Variants in MKLN1 observed in about 807,000 individuals in gnomAD.
MKLN1 encodes muskelin.
A neutral mutation model predicts 99.0 loss-of-function variants in MKLN1; 18 were observed. The ratio of observed to expected loss-of-function variants is 0.18; its 90% confidence interval spans 0.13 to 0.27. MKLN1 has a LOEUF of 0.27. Among genes scored for constraint, MKLN1 ranks in the 10% least tolerant of loss-of-function variants. The pLI is 1.00. For synonymous variants in MKLN1, 288 were observed against 293.2 expected, an observed-to-expected ratio of 0.98 and a Z score of 0.18; for missense variants, 621 against 875.9, an observed-to-expected ratio of 0.71 and a Z score of 3.67.
chr7:131,397,795 A>T (rs992385251), intron 5 of MKLN1, among the ~76,000 whole-genome samples: 1 of 152,092 alleles, frequency 6.6e-6, no homozygotes, highest in Non-Finnish European at 1.5e-5. Flanking sequence ...TTTTAGTGGG[A>T]TAGTTTTGCA....
chr7:131,388,827 C>T, intron 3 of MKLN1, 57 bp from the exon 4 acceptor site: 1 of 1,110,648 alleles, frequency 9.0e-7, no homozygotes, highest in Non-Finnish European at 1.3e-6. Flanking sequence ...AATTCGTGTT[C>T]TAGTGCATTT....
At chr7:131,116,209 G>C (rs945227093) in intron 1 of MKLN1, among the ~76,000 whole-genome samples, 2 of 151,566 alleles carry the variant, frequency 1.3e-5, no homozygotes, top group African/African-American at 4.9e-5. Flanking sequence ...ATATTCATTG[G>C]GTGTTTGTAG....
chr7:131,266,173 C>CAAAAAAAAAAAAAAAAAAAAAAAT (rs1797804990), intron 3 of MKLN1, among the ~76,000 whole-genome samples: 1 of 86,576 alleles, frequency 1.2e-5, no homozygotes, highest in Non-Finnish European at 2.2e-5. Flanking sequence ...GACTGCATCT[C>CAAAAAAAAAAAAAAAAAAAAAAAT]AAAAAAAAAA....
At chr7:131,189,060 G>A (rs999482262) in intron 2 of MKLN1, among the ~76,000 whole-genome samples, 3 of 152,178 alleles carry the variant, frequency 2.0e-5, no homozygotes, top group African/African-American at 7.2e-5. Flanking sequence ...ATCAGACTCA[G>A]TTTTAATGGG....
At chr7:131,241,966 A>G (rs554133167) in intron 3 of MKLN1, among the ~76,000 whole-genome samples, 1 of 152,270 alleles carries the variant, frequency 6.6e-6, no homozygotes, top group East Asian at 1.9e-4. Context: ...GATTTTTCTT[A>G]CCACATTCAA....
chr7:131,470,362 A>G (rs1796785159), intron 15 of MKLN1, among the ~76,000 whole-genome samples: 1 of 152,220 alleles, frequency 6.6e-6, no homozygotes, highest in African/African-American at 2.4e-5. Context: ...ATCAGTGTTA[A>G]TGATATTCAT....
At chr7:131,287,178 A>G (rs1242052337) in intron 3 of MKLN1, among the ~76,000 whole-genome samples, 1 of 152,222 alleles carries the variant, frequency 6.6e-6, no homozygotes. Context: ...GTGATCAGGT[A>G]TATCCTCCTG....
At chr7:131,441,185 A>G (rs112217365) in intron 10 of MKLN1, among the ~76,000 whole-genome samples, 291 of 152,342 alleles carry the variant, frequency 1.9e-3, no homozygotes, top group Middle Eastern at 6.8e-3. Context: ...GAAGAATTGA[A>G]GATCTCAGCT....
At chr7:131,120,170 C>CAA (rs34545571) in intron 1 of MKLN1, among the ~76,000 whole-genome samples, 1,568 of 76,180 alleles carry the variant, frequency 0.021, 86 homozygotes, top group African/African-American at 0.044. Flanking sequence ...GACTCCATCT[C>CAA]AAAAAAAAAA....
chr7:131,220,484 G>A (rs540183027), intron 3 of MKLN1, among the ~76,000 whole-genome samples: 3 of 152,146 alleles, frequency 2.0e-5, no homozygotes, highest in Non-Finnish European at 4.4e-5. Flanking sequence ...CCTGGTTGGA[G>A]CAGAGAAAGA....
intron 1 of MKLN1, among the ~76,000 whole-genome samples, chr7:131,370,338 C>T (rs767077626): frequency 3.0e-4 from 43 of 144,976 alleles, no homozygotes; most frequent in Non-Finnish European, 5.8e-4. Context: ...TATTCCAGTC[C>T]TTTCTGTTTA....
chr7:131,177,673 T>C (rs372629772), intron 2 of MKLN1, among the ~76,000 whole-genome samples: 40 of 152,328 alleles, frequency 2.6e-4, no homozygotes, highest in African/African-American at 8.7e-4. Context: ...TCTACCACTA[T>C]GGTTATAATT....
chr7:131,335,540 A>T (rs930547790), intron 1 of MKLN1, among the ~76,000 whole-genome samples: 4 of 152,156 alleles, frequency 2.6e-5, no homozygotes, highest in African/African-American at 9.6e-5. Context: ...GTTAATAATA[A>T]TTGGAAAACT....
intron 1 of MKLN1, among the ~76,000 whole-genome samples, chr7:131,118,676 C>T (rs548225794): frequency 1.3e-5 from 2 of 152,174 alleles, no homozygotes; most frequent in African/African-American, 2.4e-5. Context: ...GGGAGGTCTC[C>T]GGAAACTTAC....
chr7:131,318,323 C>T (rs1313864304), intron 3 of MKLN1, among the ~76,000 whole-genome samples: 6 of 152,190 alleles, frequency 3.9e-5, no homozygotes, highest in Admixed American at 6.5e-5. Context: ...TGCACAATTA[C>T]ATGGAAATTG....
chr7:131,228,267 C>G lies in MKLN1; in HGVS notation c.-179+25293C>G, dbSNP rs542903577. ...TAGAGACAGGTTTCTGCCATGTTGC[C>G]TAGGCTGGTCTCAGCAATAGAACAT... On this transcript the variant is annotated intron_variant, in intron 3 of 7. Coordinates refer to the MKLN1 transcript ENST00000416992. Among the ~76,000 whole-genome samples, 124 of 152,262 alleles carry G rather than the reference C, an allele frequency of 8.1e-4. 1 individual carries two copies. The highest frequency in any genetic ancestry group is 2.8e-3 in the African/African-American group (118 of 41,540).
chr7:131,374,939 C>CTT (rs201782235), intron 1 of MKLN1, among the ~76,000 whole-genome samples: 8 of 136,734 alleles, frequency 5.9e-5, no homozygotes, highest in East Asian at 4.2e-4. Flanking sequence ...ACCCTGAAGT[C>CTT]TTTTTTTTTT....
chr7:131,212,689 C>T (rs1402617514), intron 3 of MKLN1, among the ~76,000 whole-genome samples: 1 of 152,022 alleles, frequency 6.6e-6, no homozygotes, highest in Non-Finnish European at 1.5e-5. Flanking sequence ...TTTGGGAGGC[C>T]GAGGAGGGTG....
intron 3 of MKLN1, among the ~76,000 whole-genome samples, chr7:131,257,674 T>G (rs1403181059): frequency 6.6e-6 from 1 of 151,572 alleles, no homozygotes; most frequent in Non-Finnish European, 1.5e-5. Context: ...CTCAGAGAAA[T>G]GTCCTCTTAA....
Sources: allele counts gnomAD v4.1 joint callset (sites outside exome capture counted in the v4.1 genomes callset), GRCh38; gene constraint gnomAD v4.1.1; transcripts MANE v1.5; gene names NCBI Gene and HGNC (gene_info 2026-07-23, HGNC 2026-07-21).